The following GPC3 variants were observed in gnomAD, a reference collection of about 807,000 sequenced individuals.
The protein encoded by GPC3 is glypican-3.
In GPC3, 3 loss-of-function variants were observed where a neutral mutation model predicts 34.4. The ratio of observed to expected loss-of-function variants is 0.09; its 90% CI spans 0.04 to 0.23. The LOEUF (loss-of-function observed/expected upper bound fraction) is 0.23, where lower values mean the gene tolerates loss of function less well. GPC3 is among the 10% of genes least tolerant of loss of function. The probability of loss-of-function intolerance (pLI) is 1.00; values close to 1 mark genes in which losing one functional copy is unlikely to be tolerated. For synonymous variants in GPC3, 177 were observed against 174.0 expected (o/e 1.02, Z -0.13); for missense variants, 351 against 445.6 (o/e 0.79, Z 1.91).
intron 2 of GPC3, among the ~76,000 whole-genome samples, chrX:133,853,298 T>A (rs765902370): frequency 1.7e-4 from 19 of 111,822 alleles, no homozygotes; most frequent in Non-Finnish European, 3.0e-4. Flanking sequence ...CCATAACATC[T>A]TCTTCTTCTA....
chrX:133,683,896 A>C (rs1442006785), intron 5 of GPC3, among the ~76,000 whole-genome samples: 1 of 112,119 alleles, frequency 8.9e-6, no homozygotes, highest in Non-Finnish European at 1.9e-5. Context: ...CTGCTGAAAA[A>C]TATGCCAATC....
intron 2 of GPC3, among the ~76,000 whole-genome samples, chrX:133,795,312 C>T (rs1451535465): frequency 8.9e-6 from 1 of 112,511 alleles, no homozygotes; most frequent in African/African-American, 3.2e-5. Context: ...ACCATGTCTT[C>T]CCCTTGTGGT....
chrX:133,631,711 A>G (rs1412101385), intron 6 of GPC3, among the ~76,000 whole-genome samples: 2 of 111,132 alleles, frequency 1.8e-5, no homozygotes, highest in Non-Finnish European at 3.8e-5. Flanking sequence ...TAGCAGCTAC[A>G]CCATTTTACT....
chrX:133,891,455 A>G (rs2076086854), intron 2 of GPC3, among the ~76,000 whole-genome samples: 1 of 110,547 alleles, frequency 9.0e-6, no homozygotes, highest in Non-Finnish European at 1.9e-5. Flanking sequence ...TGTGAATTAT[A>G]TCTCAATAAA....
intron 2 of GPC3, among the ~76,000 whole-genome samples, chrX:133,863,716 C>T (rs750487556): frequency 9.8e-5 from 9 of 91,430 alleles, no homozygotes; most frequent in Admixed American, 5.8e-4. Context: ...ACTGCAGTGG[C>T]GCAATCTCGG....
chrX:133,576,480 T>C (rs931262976), intron 7 of GPC3, among the ~76,000 whole-genome samples: 2 of 110,752 alleles, frequency 1.8e-5, no homozygotes, highest in Non-Finnish European at 3.8e-5. Flanking sequence ...CCTCAAGTGA[T>C]CCACCCGCCT....
At chrX:133,961,757 A>G (rs1471344769) in intron 1 of GPC3, among the ~76,000 whole-genome samples, 9 of 111,518 alleles carry the variant, frequency 8.1e-5, no homozygotes, top group Non-Finnish European at 1.3e-4. Context: ...TCACACCCTC[A>G]TCTGCTATAG....
intron 1 of GPC3, among the ~76,000 whole-genome samples, chrX:133,960,894 C>T (rs1245380073): frequency 9.0e-6 from 1 of 111,533 alleles, no homozygotes; most frequent in African/African-American, 3.3e-5. Flanking sequence ...AAAGCCATAA[C>T]AGGCATTTTT....
At chrX:133,643,170 T>C (rs138825969) in intron 6 of GPC3, among the ~76,000 whole-genome samples, 5,550 of 86,201 alleles carry the variant, frequency 0.064, 355 homozygotes, top group African/African-American at 0.21. Flanking sequence ...ATGGGGGCTG[T>C]CCCTGGGACC....
At chrX:133,859,187 T>C (rs1274513802) in intron 2 of GPC3, among the ~76,000 whole-genome samples, 1 of 111,187 alleles carries the variant, frequency 9.0e-6, no homozygotes, top group Non-Finnish European at 1.9e-5. Context: ...AGTAGTGAAT[T>C]AAGGCTCTGT....
chrX:133,961,233 G>A (rs1264227576), intron 1 of GPC3, among the ~76,000 whole-genome samples: 4 of 111,377 alleles, frequency 3.6e-5, no homozygotes, highest in Non-Finnish European at 7.5e-5. Flanking sequence ...GGTATCAGGA[G>A]CTCAGACTTT....
At chrX:133,614,273 A>G (rs1237086789) in intron 6 of GPC3, among the ~76,000 whole-genome samples, 1 of 110,773 alleles carries the variant, frequency 9.0e-6, no homozygotes, top group Non-Finnish European at 1.9e-5. Flanking sequence ...AACAAACATC[A>G]ACTAGGATAA....
intron 2 of GPC3, among the ~76,000 whole-genome samples, chrX:133,836,422 G>A (rs929482729): frequency 1.8e-5 from 2 of 112,210 alleles, no homozygotes; most frequent in African/African-American, 6.5e-5. Context: ...TGAAGGCTAT[G>A]TCAGGAGACC....
chrX:133,713,654 T>C (rs987572058), intron 3 of GPC3, among the ~76,000 whole-genome samples: 1 of 112,000 alleles, frequency 8.9e-6, no homozygotes, highest in Non-Finnish European at 1.9e-5. Flanking sequence ...ACAGACAAAC[T>C]CTTATTCAAA....
chrX:133,967,611 TTTTG>T (rs1002637698), intron 1 of GPC3, among the ~76,000 whole-genome samples: 2 of 112,142 alleles, frequency 1.8e-5, no homozygotes, highest in African/African-American at 6.5e-5. Flanking sequence ...TTTTTAGTTT[TTTTG>T]TTTGTTTGTT....
chrX:133,893,235 C>A (rs946173759), intron 2 of GPC3, among the ~76,000 whole-genome samples: 1 of 111,175 alleles, frequency 9.0e-6, no homozygotes. Flanking sequence ...CCAGCCTGGG[C>A]AACAAGAGCA....
At chrX:133,645,427 G>C (rs1603208150) in intron 6 of GPC3, among the ~76,000 whole-genome samples, 1 of 111,518 alleles carries the variant, frequency 9.0e-6, no homozygotes, top group African/African-American at 3.3e-5. Flanking sequence ...AGATTGCGTG[G>C]GCCTGAATTG....
At chrX:133,594,682 G>A (rs975003894) in intron 7 of GPC3, among the ~76,000 whole-genome samples, 2 of 111,190 alleles carry the variant, frequency 1.8e-5, no homozygotes, top group Non-Finnish European at 1.9e-5. Flanking sequence ...GAAGCAGAAA[G>A]TAAAATGGTG....
At chrX:133,881,095 T>C (rs1156614128) in intron 2 of GPC3, among the ~76,000 whole-genome samples, 2 of 112,299 alleles carry the variant, frequency 1.8e-5, no homozygotes, top group African/African-American at 3.2e-5. Context: ...ATGCTGCAAT[T>C]CAATATCAGC....
Sources: allele counts gnomAD v4.1 joint callset (sites outside exome capture counted in the v4.1 genomes callset), GRCh38; gene constraint gnomAD v4.1.1; transcripts MANE v1.5; gene names NCBI Gene and HGNC (gene_info 2026-07-23, HGNC 2026-07-21).